The following KATNIP variants were observed in gnomAD, a reference collection of about 807,000 sequenced individuals.
The protein encoded by KATNIP is katanin-interacting protein.
A neutral mutation model predicts 174.0 loss-of-function variants in KATNIP; 126 were observed. The observed-to-expected ratio is 0.72, with a 90% CI of 0.63 to 0.84. KATNIP has a LOEUF of 0.84. Among genes scored for constraint, KATNIP ranks in the 40% least tolerant of loss-of-function variants. KATNIP has a pLI of 0.00. For missense variants in KATNIP, 1,958 were observed against 2,109.7 expected, an observed-to-expected ratio of 0.93 and a Z score of 1.41; for synonymous variants, 810 against 835.7, an observed-to-expected ratio of 0.97 and a Z score of 0.53.
At chr16:27,731,399 GT>G (rs2143271017) in intron 14 of KATNIP, among the ~76,000 whole-genome samples, 1 of 152,316 alleles carries the variant, frequency 6.6e-6, no homozygotes, top group East Asian at 1.9e-4. Context: ...AGACATGAGG[GT>G]GGCTCCTGTT....
intron 14 of KATNIP, among the ~76,000 whole-genome samples, chr16:27,739,123 T>C (rs12448595): frequency 0.18 from 27,826 of 151,758 alleles, 2,909 homozygotes; most frequent in African/African-American, 0.29. Flanking sequence ...GTGTCTCTGG[T>C]AGAGACCCTG....
At chr16:27,761,640 C>A in intron 19 of KATNIP, 50 bp downstream of exon 19, 1 of 1,484,066 alleles carries the variant, frequency 6.7e-7, no homozygotes, top group Non-Finnish European at 9.4e-7. Flanking sequence ...GTTTTGGGGA[C>A]ATTGTTCTGC....
intron 2 of KATNIP, among the ~76,000 whole-genome samples, chr16:27,605,322 A>C (rs983737299): frequency 6.6e-6 from 1 of 152,244 alleles, no homozygotes; most frequent in Non-Finnish European, 1.5e-5. Flanking sequence ...TTTTCTGAGA[A>C]TAAAAAGAAA....
chr16:27,773,370 A>G (rs2082382128), intron 23 of KATNIP, among the ~76,000 whole-genome samples, 161 bp downstream of exon 23: 1 of 152,160 alleles, frequency 6.6e-6, no homozygotes, highest in South Asian at 2.1e-4. Context: ...GGGGACGGGC[A>G]GCAGAGAGCA....
chr16:27,582,445 G>A (rs1297126130), intron 2 of KATNIP, among the ~76,000 whole-genome samples: 1 of 152,156 alleles, frequency 6.6e-6, no homozygotes, highest in Non-Finnish European at 1.5e-5. Context: ...ACTGCCAAAT[G>A]TATTCCCACT....
rs971773716 is a variant in KATNIP, at chr16:27,779,533, A to C, written c.*904A>C. 1 of 152,234 alleles carries C rather than the reference A, an allele frequency of 6.6e-6. No homozygotes were observed. The highest frequency in any genetic ancestry group is 1.9e-4 in the East Asian group (1 of 5,178). 9.4% of individuals were successfully genotyped at this position (152,234 alleles called of 1,614,324 possible). On this transcript the variant is annotated 3_prime_UTR_variant, in exon 28 of 28. Coordinates refer to ENST00000261588, the MANE Select transcript of KATNIP (RefSeq NM_015202.5). Reference sequence around the variant, plus strand: ...TCACCCTTGAGCAGGCCCTCCCTGCACTCTCTGCCACATGTCCCTCCTGGT... The same window carrying C: ...TCACCCTTGAGCAGGCCCTCCCTGCCCTCTCTGCCACATGTCCCTCCTGGT...
Position 27,778,735 on chromosome 16 carries a change from C to A in KATNIP, c.*106C>A. 1.7e-6 allele frequency: 2 copies of A among 1,198,448 alleles called. No homozygotes were observed. The highest frequency in any genetic ancestry group is 2.4e-6 in the Non-Finnish European group (2 of 835,246). 74.2% of individuals were successfully genotyped at this position (1,198,448 alleles called of 1,614,324 possible). ...TCAGTCCCAGGAGCTGGAAGCGAAC[C>A]ACAGTGTTGAGGGGAGCCCGCTGGG... is the stretch of plus-strand genomic sequence containing the variant. On this transcript the variant is annotated 3_prime_UTR_variant, in exon 28 of 28. Transcript: ENST00000261588.
At chr16:27,587,129 C>T (rs756350082) in intron 2 of KATNIP, among the ~76,000 whole-genome samples, 4 of 152,062 alleles carry the variant, frequency 2.6e-5, no homozygotes, top group Non-Finnish European at 4.4e-5. Flanking sequence ...AACCTCTCTG[C>T]GCGTCAGTTT....
intron 14 of KATNIP, among the ~76,000 whole-genome samples, chr16:27,723,136 A>G (rs1462956985): frequency 1.3e-5 from 2 of 152,182 alleles, no homozygotes; most frequent in Admixed American, 1.3e-4. Context: ...GAAAGAACAC[A>G]GCCTCCTAAT....
intron 1 of KATNIP, among the ~76,000 whole-genome samples, chr16:27,571,323 A>ACG (rs2090283487): frequency 6.6e-6 from 1 of 152,204 alleles, no homozygotes; most frequent in African/African-American, 2.4e-5. Flanking sequence ...ATGAGCCACC[A>ACG]CGACTGGCCA....
intron 2 of KATNIP, among the ~76,000 whole-genome samples, chr16:27,597,813 T>G (rs572896180): frequency 2.8e-4 from 43 of 152,236 alleles, no homozygotes; most frequent in Admixed American, 2.8e-3. Flanking sequence ...AGGTTTTGAA[T>G]GAAGAAAGCC....
chr16:27,777,004 C>T lies in KATNIP; in HGVS notation c.4526C>T (p.Pro1509Leu). The T allele has an allele frequency of 6.2e-7, 1 of 1,612,858 alleles. No homozygotes were observed. The highest frequency in any genetic ancestry group is 8.5e-7 in the Non-Finnish European group (1 of 1,178,860). ...MIKLWNYAKT[P>L]HRGVKEFGLL... ...AAACTGTGGAATTATGCGAAAACAC[C>T]CCATCGAGGGGTGAAGGAGTTTGGC... The change falls in exon 25 of 28, where the codon CCC becomes CTC. Residue 1509 changes from proline to leucine, a missense_variant. By Grantham distance (98) the Pro-to-Leu change is moderately conservative. This residue lies in a region of KATNIP where 383 missense variants were observed against 456.0 expected (regional missense o/e 0.84). Transcript: ENST00000261588. The surrounding 1 kb of genome is among the most constrained non-coding windows in gnomAD (Gnocchi z 4.4).
chr16:27,682,951 T>A (rs2078402579), intron 8 of KATNIP, among the ~76,000 whole-genome samples: 1 of 152,142 alleles, frequency 6.6e-6, no homozygotes, highest in African/African-American at 2.4e-5. Flanking sequence ...GCCTCGAGAC[T>A]CTGCAGAGTC....
intron 2 of KATNIP, among the ~76,000 whole-genome samples, chr16:27,580,448 T>A (rs2090653708): frequency 6.6e-6 from 1 of 152,230 alleles, no homozygotes; most frequent in Admixed American, 6.5e-5. Flanking sequence ...TAGCTCTTCC[T>A]CCTCTATAAG....
At chr16:27,691,315 T>TGTG (rs2078725427) in intron 8 of KATNIP, among the ~76,000 whole-genome samples, 1 of 152,168 alleles carries the variant, frequency 6.6e-6, no homozygotes, top group South Asian at 2.1e-4. Context: ...AGCCAAACAC[T>TGTG]GGTGAAGTGA....
At chr16:27,596,849 C>T (rs906153000) in intron 2 of KATNIP, among the ~76,000 whole-genome samples, 1 of 152,130 alleles carries the variant, frequency 6.6e-6, no homozygotes, top group Admixed American at 6.6e-5. Context: ...ATGGTGAAAA[C>T]CTGTCTCTAC....
chr16:27,768,411 G>T (rs1024377097), intron 20 of KATNIP, among the ~76,000 whole-genome samples: 2 of 152,192 alleles, frequency 1.3e-5, no homozygotes, highest in Non-Finnish European at 2.9e-5. Context: ...CCTGGAGGAG[G>T]TGTTGGCCCT....
intron 13 of KATNIP, among the ~76,000 whole-genome samples, chr16:27,713,823 T>C (rs1295403920): frequency 8.5e-5 from 4 of 47,022 alleles, no homozygotes; most frequent in African/African-American, 3.3e-4. Context: ...TATATATATA[T>C]ATATATATAT....
intron 8 of KATNIP, among the ~76,000 whole-genome samples, chr16:27,693,950 C>T (rs965432515): frequency 1.3e-5 from 2 of 152,132 alleles, no homozygotes; most frequent in African/African-American, 4.8e-5. Flanking sequence ...GAGCACAGTC[C>T]CATAAGGCAA....
Sources: allele counts gnomAD v4.1 joint callset (sites outside exome capture counted in the v4.1 genomes callset), GRCh38; gene constraint gnomAD v4.1.1; regional missense constraint gnomAD v4.1.1; non-coding constraint Gnocchi (gnomAD v3.1); transcripts MANE v1.5; gene names NCBI Gene and HGNC (gene_info 2026-07-23, HGNC 2026-07-21).